Variants in SORCS2 observed in about 807,000 individuals in gnomAD.
The protein encoded by SORCS2 is sortilin related VPS10 domain containing receptor 2.
In SORCS2, 100 loss-of-function variants were observed where a neutral mutation model predicts 141.6. The ratio of observed to expected loss-of-function variants is 0.71; its 90% CI spans 0.60 to 0.83. SORCS2 has a LOEUF of 0.83. Among genes scored for constraint, SORCS2 ranks in the 40% least tolerant of loss-of-function variants. The pLI is 0.00. For synonymous variants in SORCS2, 789 were observed against 676.9 expected, an observed-to-expected ratio of 1.17 and a Z score of -2.57; for missense variants, 1,646 against 1,560.2, an observed-to-expected ratio of 1.05 and a Z score of -0.93.
intron 1 of SORCS2, among the ~76,000 whole-genome samples, chr4:7,299,012 C>A (rs537959392): frequency 1.3e-5 from 2 of 152,378 alleles, no homozygotes; most frequent in African/African-American, 4.8e-5. Context: ...TAGCGGGAGG[C>A]CTCACAAAAG....
At chr4:7,328,017 G>GCTTT (rs1560195671) in intron 1 of SORCS2, among the ~76,000 whole-genome samples, 1 of 113,368 alleles carries the variant, frequency 8.8e-6, no homozygotes. Context: ...CTCGTGCTAG[G>GCTTT]CTTTTTTTTT....
At chr4:7,633,520 C>T (rs1447759317) in intron 3 of SORCS2, among the ~76,000 whole-genome samples, 2 of 152,152 alleles carry the variant, frequency 1.3e-5, no homozygotes, top group East Asian at 1.9e-4. Flanking sequence ...TGTGCTCCAG[C>T]GGAGCCCTGT....
At chr4:7,486,662 C>T (rs191602615) in intron 2 of SORCS2, among the ~76,000 whole-genome samples, 27 of 152,288 alleles carry the variant, frequency 1.8e-4, no homozygotes, top group African/African-American at 5.5e-4. Flanking sequence ...TCGGAAATCA[C>T]GGTGTCTGCA....
chr4:7,344,765 G>A (rs900696594), intron 1 of SORCS2, among the ~76,000 whole-genome samples: 1 of 152,208 alleles, frequency 6.6e-6, no homozygotes, highest in African/African-American at 2.4e-5. Flanking sequence ...GCCTAAATGG[G>A]AAAGCGAATA....
intron 1 of SORCS2, among the ~76,000 whole-genome samples, chr4:7,195,188 GTGTGTGT>G (rs1168806467): frequency 6.6e-6 from 1 of 150,788 alleles, no homozygotes; most frequent in Non-Finnish European, 1.5e-5. Flanking sequence ...GTGTGTGTGT[GTGTGTGT>G]GTTGTGGGGG....
chr4:7,403,997 A>ATATATATATATATATATATATAT (rs1265288820), intron 2 of SORCS2, among the ~76,000 whole-genome samples: 4 of 18,974 alleles, frequency 2.1e-4, no homozygotes, highest in Non-Finnish European at 5.0e-4. Flanking sequence ...ATATATATAT[A>ATATATATATATATATATATATAT]TTTTTTTTTT....
In SORCS2 at chr4:7,193,247, G is replaced by T; in HGVS notation, c.480+121G>T. 2 of 1,251,674 alleles carry T rather than the reference G, an allele frequency of 1.6e-6. No homozygotes were observed. Among genetic ancestry groups the T allele is most frequent in the South Asian group, 5.0e-5 (2 of 40,222 alleles). 77.5% of individuals were successfully genotyped at this position (1,251,674 alleles called of 1,614,324 possible). The stretch of plus-strand genomic sequence containing the variant: ...TGGTCATCAGGGGCGGGTTCTTGGC[G>T]ACTTGGGCACTTGGGTCACCTCGGC... On this transcript the variant is annotated intron_variant, in intron 1 of 26. Coordinates refer to ENST00000507866, the MANE Select transcript of SORCS2 (RefSeq NM_020777.3). This position sits in a 1 kb window ranked among gnomAD's most constrained non-coding sequence, Gnocchi z 4.8.
intron 4 of SORCS2, among the ~76,000 whole-genome samples, chr4:7,653,482 A>T (rs1052544442): frequency 3.9e-5 from 6 of 151,974 alleles, no homozygotes; most frequent in Admixed American, 3.3e-4. Context: ...ACCTCATGTG[A>T]TCCGCCCGCC....
chr4:7,621,539 ATGTG>A (rs144562344), intron 3 of SORCS2, among the ~76,000 whole-genome samples: 61 of 142,988 alleles, frequency 4.3e-4, no homozygotes, highest in African/African-American at 1.3e-3. Context: ...ATGTGTGAGT[ATGTG>A]TGTGTGTGTG....
chr4:7,243,862 C>G (rs926893743), intron 1 of SORCS2, among the ~76,000 whole-genome samples: 1 of 152,338 alleles, frequency 6.6e-6, no homozygotes, highest in South Asian at 2.1e-4. Context: ...CCAAACCCTT[C>G]CCTGCTCTCT....
chr4:7,324,263 C>G (rs17756652), intron 1 of SORCS2, among the ~76,000 whole-genome samples: 32,430 of 152,252 alleles, frequency 0.21, 3,914 homozygotes, highest in Non-Finnish European at 0.28. Context: ...GGTGGCCTAT[C>G]ACGTAGCTGG....
intron 4 of SORCS2, among the ~76,000 whole-genome samples, chr4:7,643,418 C>T (rs945290800): frequency 3.3e-5 from 5 of 152,188 alleles, no homozygotes; most frequent in Admixed American, 2.6e-4. Context: ...AAAGCATAAA[C>T]TCACTTTTAT....
At chr4:7,318,801 C>T (rs1264592930) in intron 1 of SORCS2, among the ~76,000 whole-genome samples, 1 of 152,128 alleles carries the variant, frequency 6.6e-6, no homozygotes, top group African/African-American at 2.4e-5. Context: ...TTTTGACAAA[C>T]TTATATAATC....
At chr4:7,630,855 A>G (rs1373297646) in intron 3 of SORCS2, among the ~76,000 whole-genome samples, 2 of 152,088 alleles carry the variant, frequency 1.3e-5, no homozygotes, top group African/African-American at 4.8e-5. Context: ...AGACTGGGCA[A>G]TTGGGTTTTA....
In SORCS2 at chr4:7,565,758, G is replaced by A. The variant is rs560972388; in HGVS notation, c.648+34129G>A. 6.2e-3 allele frequency among the ~76,000 whole-genome samples: 938 copies of A among 151,540 alleles called. 5 individuals carry two copies. The highest frequency in any genetic ancestry group is 7.5e-3 in the Non-Finnish European group (511 of 67,800). ...ATGATGATGATGTGAAAGTGATGGT[G>A]ATGGTGTCGGTGGTGATGATGTGAT... is the stretch of plus-strand genomic sequence containing the variant. On this transcript the variant is annotated intron_variant, in intron 3 of 26. Transcript: ENST00000507866.
At chr4:7,615,572 C>G (rs1718705083) in intron 3 of SORCS2, among the ~76,000 whole-genome samples, 1 of 152,132 alleles carries the variant, frequency 6.6e-6, no homozygotes, top group African/African-American at 2.4e-5. Context: ...ACCTCCACCT[C>G]CACTCTTGCC....
chr4:7,201,092 C>T lies in SORCS2; in HGVS notation c.480+7966C>T, dbSNP rs538191500. On this transcript the variant is annotated intron_variant, in intron 1 of 26. Transcript: ENST00000507866. The surrounding 1 kb of genome is among the most constrained non-coding windows in gnomAD (Gnocchi z 4.4). ...ATTCACCCCAGCGCGTTCTAGGTGC[C>T]GTGTGAATCTGCGCTGGGGAAGTCT... is the stretch of plus-strand genomic sequence containing the variant. 1.8e-4 allele frequency among the ~76,000 whole-genome samples: 27 copies of T among 152,268 alleles called. No homozygotes were observed. The highest frequency in any genetic ancestry group is 1.0e-3 in the South Asian group (5 of 4,828).
intron 1 of SORCS2, among the ~76,000 whole-genome samples, chr4:7,369,939 C>T (rs1053061858): frequency 5.9e-5 from 9 of 152,192 alleles, no homozygotes; most frequent in African/African-American, 2.2e-4. Flanking sequence ...TTCTGGAAGG[C>T]AGGAAATAGG....
intron 13 of SORCS2, 144 bp downstream of exon 13, chr4:7,703,515 C>G: frequency 7.5e-6 from 5 of 664,016 alleles, no homozygotes; most frequent in South Asian, 6.0e-5. Flanking sequence ...TCCTAAAGAC[C>G]GGGGCTGGGA....
Sources: allele counts gnomAD v4.1 joint callset (sites outside exome capture counted in the v4.1 genomes callset), GRCh38; gene constraint gnomAD v4.1.1; non-coding constraint Gnocchi (gnomAD v3.1); transcripts MANE v1.5; gene names NCBI Gene and HGNC (gene_info 2026-07-23, HGNC 2026-07-21).